The following DGKD variants were observed in gnomAD, a reference collection of about 807,000 sequenced individuals.
The protein encoded by DGKD is DAG kinase delta.
Under a neutral mutation model 154.4 loss-of-function variants are expected in DGKD, and 68 were observed. That is an observed-to-expected ratio of 0.44 (90% CI 0.36 to 0.54). The LOEUF is 0.54. Among genes scored for constraint, DGKD ranks in the 20% least tolerant of loss-of-function variants. The pLI is 0.00. For synonymous variants in DGKD, 693 were observed against 638.0 expected, an observed-to-expected ratio of 1.09 and a Z score of -1.30; for missense variants, 1,343 against 1,593.6, an observed-to-expected ratio of 0.84 and a Z score of 2.68.
chr2:233,466,941 GA>G (rs1395976877), intron 27 of DGKD, 144 bp from the exon 28 acceptor site: 1 of 675,600 alleles, frequency 1.5e-6, no homozygotes, highest in African/African-American at 1.8e-5. Flanking sequence ...CAATAAGGGA[GA>G]GAAGCCCTTT....
At chr2:233,388,097 G>A (rs1703307794) in intron 1 of DGKD, 160 bp from the exon 2 acceptor site, 33 of 1,459,490 alleles carry the variant, frequency 2.3e-5, no homozygotes, top group South Asian at 5.8e-5. Flanking sequence ...CCCCGGCAGC[G>A]TGCTGGGCCT....
chr2:233,381,887 T>A (rs947962277), intron 1 of DGKD, among the ~76,000 whole-genome samples: 2 of 152,246 alleles, frequency 1.3e-5, no homozygotes, highest in Admixed American at 1.3e-4. Flanking sequence ...CAGAAGTGTT[T>A]GTTCTGTTAA....
Position 233,378,703 on chromosome 2 carries a change from C to T in DGKD, c.157-9554C>T, listed in dbSNP as rs1575001905. Among the ~76,000 whole-genome samples, 5 of 152,192 alleles carry T rather than the reference C, an allele frequency of 3.3e-5. 1 individual carries two copies. The highest frequency in any genetic ancestry group is 3.3e-4 in the Admixed American group (5 of 15,294). ...TTCATATTTTTTGCCCCTTTTTCTA[C>T]CAGATTTTTAGTCTGTTCTCAATTT... On this transcript the variant is annotated intron_variant, in intron 1 of 29. Transcript: ENST00000264057.
At chr2:233,362,654 A>G (rs1176278025) in intron 1 of DGKD, among the ~76,000 whole-genome samples, 1 of 152,322 alleles carries the variant, frequency 6.6e-6, no homozygotes, top group Non-Finnish European at 1.5e-5. Context: ...TCTGTATTAA[A>G]TAGAAAAAAA....
intron 3 of DGKD, among the ~76,000 whole-genome samples, chr2:233,392,845 GTACTGTTGTGTAGTTTAAACACC>G (rs1194324460): frequency 5.3e-5 from 8 of 152,168 alleles, no homozygotes; most frequent in Non-Finnish European, 1.0e-4. Context: ...TTAGTAGCGT[GTACTGTTGTGTAGTTTAAACACC>G]TGTGTCTCTG....
chr2:233,368,990 T>C (rs1373396535), intron 1 of DGKD, among the ~76,000 whole-genome samples: 1 of 152,198 alleles, frequency 6.6e-6, no homozygotes, highest in African/African-American at 2.4e-5. Context: ...CGAGAGTGCC[T>C]AGGAGTTTCA....
intron 3 of DGKD, among the ~76,000 whole-genome samples, chr2:233,402,625 T>G (rs114252547): frequency 0.024 from 3,630 of 152,294 alleles, 59 homozygotes; most frequent in South Asian, 0.038. Context: ...GGCTCCCCCT[T>G]TTACAATTTC....
intron 3 of DGKD, among the ~76,000 whole-genome samples, chr2:233,410,064 C>T (rs919431370): frequency 2.6e-5 from 4 of 152,098 alleles, no homozygotes; most frequent in African/African-American, 9.7e-5. Flanking sequence ...ATCCAATCCT[C>T]CTGCCTTGGC....
chr2:233,448,417 G>A (rs757102526), intron 14 of DGKD, 42 bp downstream of exon 14: 49 of 1,584,150 alleles, frequency 3.1e-5, no homozygotes, highest in African/African-American at 6.7e-5. Flanking sequence ...TTGAGGCAGC[G>A]AGAAGCTTGC....
At chr2:233,370,481 T>C (rs1333223115) in intron 1 of DGKD, among the ~76,000 whole-genome samples, 2 of 151,810 alleles carry the variant, frequency 1.3e-5, no homozygotes, top group Admixed American at 1.3e-4. Context: ...CCTCCCAAAG[T>C]CCTGGGATTA....
Position 233,436,235 on chromosome 2 carries a change from A to G in DGKD, c.694-81A>G, listed in dbSNP as rs1035467126. 5.7e-6 allele frequency: 9 copies of G among 1,590,930 alleles called. No individual in the cohort carries two copies. The African/African-American group carries it at 1.1e-4, about 19-fold the overall frequency. ...TGTTCTGGGAAGAATGCCTTGGCTGAGTTCACAACGAGCATTTCCTGGCTG... is the reference window on the plus strand; with the variant it reads ...TGTTCTGGGAAGAATGCCTTGGCTGGGTTCACAACGAGCATTTCCTGGCTG... On this transcript the variant is annotated intron_variant, in intron 6 of 29. Transcript: ENST00000264057.
intron 1 of DGKD, among the ~76,000 whole-genome samples, chr2:233,384,452 G>T (rs1703065285): frequency 6.6e-6 from 1 of 152,058 alleles, no homozygotes; most frequent in Non-Finnish European, 1.5e-5. Context: ...GGCATCTCCT[G>T]TGTTAAAACT....
intron 1 of DGKD, among the ~76,000 whole-genome samples, chr2:233,378,516 C>T (rs1440751163): frequency 6.6e-6 from 1 of 151,948 alleles, no homozygotes; most frequent in African/African-American, 2.4e-5. Context: ...TCCCGAAGTT[C>T]TGGGATTACA....
At chr2:233,370,402 G>C (rs1340653398) in intron 1 of DGKD, among the ~76,000 whole-genome samples, 2 of 150,688 alleles carry the variant, frequency 1.3e-5, no homozygotes, top group Non-Finnish European at 3.0e-5. Context: ...TTAGTACAGA[G>C]GGGGTTTCAC....
rs1489820490 is a variant in DGKD at position 233,472,076 on chromosome 2, A to G, written c.*2616A>G. 6.6e-6 allele frequency: 1 copy of G among 152,390 alleles called. No individual in the cohort carries two copies. The highest frequency in any genetic ancestry group is 3.2e-3 in the Middle Eastern group (1 of 316). 9.4% of individuals were successfully genotyped at this position (152,390 alleles called of 1,614,324 possible). On this transcript the variant is annotated 3_prime_UTR_variant, in exon 30 of 30. Coordinates refer to ENST00000264057, the MANE Select transcript of DGKD (RefSeq NM_152879.3). ...ATAAGTTGTTCTGTGTATAAATAAA[A>G]CAAGCCTGTTTTTGATCTTCCATCG... is the stretch of plus-strand genomic sequence containing the variant.
intron 17 of DGKD, 58 bp downstream of exon 17, chr2:233,451,108 C>T: frequency 7.1e-7 from 1 of 1,415,068 alleles, no homozygotes. Flanking sequence ...CTGGTCCCGT[C>T]AAACTGAAAG....
At chr2:233,464,077 C>G (rs2063751721) in intron 26 of DGKD, 87 bp from the exon 27 acceptor site, 2 of 1,569,082 alleles carry the variant, frequency 1.3e-6, no homozygotes, top group Non-Finnish European at 1.7e-6. Context: ...AGAGCAGAGC[C>G]CTGGAGCGGA....
intron 1 of DGKD, among the ~76,000 whole-genome samples, chr2:233,380,336 G>A (rs1301362088): frequency 6.6e-6 from 1 of 152,196 alleles, no homozygotes; most frequent in Non-Finnish European, 1.5e-5. Flanking sequence ...TGCTGACAGA[G>A]CGGGAGTGAA....
intron 1 of DGKD, among the ~76,000 whole-genome samples, chr2:233,383,799 C>G (rs907302156): frequency 2.0e-5 from 3 of 152,158 alleles, no homozygotes; most frequent in African/African-American, 7.2e-5. Flanking sequence ...CCAAATTCCG[C>G]TTCTCTTAAT....
Sources: gnomAD v4.1 joint callset for allele counts (sites outside exome capture counted in the v4.1 genomes callset) on GRCh38, gnomAD v4.1.1 for gene constraint, MANE v1.5 for transcripts, NCBI Gene and HGNC (gene_info 2026-07-23, HGNC 2026-07-21) for gene names.